The following CTIF variants were observed in gnomAD, a reference collection of about 807,000 sequenced individuals.
CTIF encodes the protein CBP80/20-dependent translation initiation factor.
CTIF carries 21 observed loss-of-function variants against 66.0 expected under a neutral mutation model. The observed-to-expected ratio is 0.32, with a 90% CI of 0.23 to 0.46. The LOEUF (loss-of-function observed/expected upper bound fraction) is 0.46, where lower values mean the gene tolerates loss of function less well. CTIF is among the 20% of genes least tolerant of loss of function. The pLI, the probability that CTIF is intolerant of heterozygous loss-of-function variation, is 1.00. For synonymous variants in CTIF, 345 were observed against 326.4 expected, an observed-to-expected ratio of 1.06 and a Z score of -0.62; for missense variants, 739 against 812.7, an observed-to-expected ratio of 0.91 and a Z score of 1.10.
chr18:48,657,720 A>G (rs1358636867), intron 3 of CTIF, among the ~76,000 whole-genome samples: 1 of 152,168 alleles, frequency 6.6e-6, no homozygotes, highest in African/African-American at 2.4e-5. Context: ...AGATCCTAGC[A>G]GGAAGGAAGA....
chr18:48,627,719 AAAAC>A (rs533632086), intron 2 of CTIF, among the ~76,000 whole-genome samples: 6 of 150,862 alleles, frequency 4.0e-5, no homozygotes, highest in South Asian at 4.3e-4. Context: ...ACCCTGTCTC[AAAAC>A]AAACAAACAA....
At chr18:48,586,015 C>T (rs547136070) in intron 1 of CTIF, among the ~76,000 whole-genome samples, 133 of 152,178 alleles carry the variant, frequency 8.7e-4, no homozygotes, top group African/African-American at 3.0e-3. Context: ...GATGCTGATT[C>T]CAAGAGCTAA....
intron 5 of CTIF, among the ~76,000 whole-genome samples, chr18:48,670,198 A>G (rs1286294953): frequency 6.6e-6 from 1 of 152,142 alleles, no homozygotes; most frequent in African/African-American, 2.4e-5. Context: ...ACATGAAGAC[A>G]AAGCATAGAC....
chr18:48,818,888 C>CA (rs2068425137), intron 10 of CTIF, among the ~76,000 whole-genome samples: 1 of 152,068 alleles, frequency 6.6e-6, no homozygotes, highest in Admixed American at 6.5e-5. Context: ...GGAGTGTGGA[C>CA]ACGTCTTTCG....
intron 3 of CTIF, among the ~76,000 whole-genome samples, chr18:48,654,113 A>G (rs11664637): frequency 0.59 from 90,483 of 152,092 alleles, 29,337 homozygotes; most frequent in East Asian, 0.85. Context: ...AACAAAAGCT[A>G]AAATAGACAA....
chr18:48,663,293 A>C (rs1231999332), intron 3 of CTIF, among the ~76,000 whole-genome samples: 1 of 152,134 alleles, frequency 6.6e-6, no homozygotes, highest in Non-Finnish European at 1.5e-5. Flanking sequence ...ACTCAGAGAA[A>C]TCCAGTTGCT....
At chr18:48,818,713 C>T (rs1049017694) in intron 10 of CTIF, among the ~76,000 whole-genome samples, 13 of 152,054 alleles carry the variant, frequency 8.5e-5, no homozygotes, top group South Asian at 2.1e-4. Context: ...GGGACCTGGA[C>T]GCCTCCCCCA....
chr18:48,616,412 A>G (rs1040474845), intron 1 of CTIF, among the ~76,000 whole-genome samples: 1 of 152,190 alleles, frequency 6.6e-6, no homozygotes, highest in African/African-American at 2.4e-5. Flanking sequence ...TGAAGAATTC[A>G]CTGCTCACTG....
chr18:48,857,663 T>C, intron 11 of CTIF, 22 bp downstream of exon 11: 1 of 1,593,886 alleles, frequency 6.3e-7, no homozygotes, highest in Non-Finnish European at 8.5e-7. Flanking sequence ...GGCTTCGACA[T>C]CCCCAACCTC....
At chr18:48,666,539 C>T (rs1284595932) in intron 5 of CTIF, among the ~76,000 whole-genome samples, 1 of 152,246 alleles carries the variant, frequency 6.6e-6, no homozygotes, top group Non-Finnish European at 1.5e-5. Context: ...TGTATGTGTG[C>T]ATGCACACGT....
At chr18:48,719,545 CT>C (rs1329438913) in intron 7 of CTIF, among the ~76,000 whole-genome samples, 1 of 152,216 alleles carries the variant, frequency 6.6e-6, no homozygotes, top group Non-Finnish European at 1.5e-5. Flanking sequence ...CATTCGCCTA[CT>C]TGTAAAACTT....
chr18:48,776,089 G>C (rs1392637394), intron 9 of CTIF, among the ~76,000 whole-genome samples: 1 of 152,218 alleles, frequency 6.6e-6, no homozygotes, highest in Non-Finnish European at 1.5e-5. Context: ...CTGAATCTGC[G>C]ACCCTGGCCA....
At chr18:48,605,768 A>G (rs2090189884) in intron 1 of CTIF, among the ~76,000 whole-genome samples, 2 of 138,482 alleles carry the variant, frequency 1.4e-5, no homozygotes, top group Non-Finnish European at 3.2e-5. Flanking sequence ...TCTCGGAGGG[A>G]GCCCACAGTC....
At chr18:48,749,451 G>A (rs1466318628) in intron 7 of CTIF, among the ~76,000 whole-genome samples, 4 of 152,156 alleles carry the variant, frequency 2.6e-5, no homozygotes, top group African/African-American at 4.8e-5. Flanking sequence ...AATCAGAACA[G>A]AAGCCAGGCA....
chr18:48,643,412 C>G (rs150366181), intron 3 of CTIF, among the ~76,000 whole-genome samples: 1 of 152,192 alleles, frequency 6.6e-6, no homozygotes, highest in South Asian at 2.1e-4. Flanking sequence ...TGGGGAAACA[C>G]AGCAAGGCCT....
chr18:48,675,203 C>T (rs558125104), intron 6 of CTIF, among the ~76,000 whole-genome samples: 1 of 152,158 alleles, frequency 6.6e-6, no homozygotes, highest in Non-Finnish European at 1.5e-5. Context: ...TTCTAGGGGA[C>T]CCCCAAATTC....
Position 48,761,612 on chromosome 18 carries a change from G to T in CTIF, c.1294G>T (p.Ala432Ser). ...VSDRSFAFTAAKLCDKMALFM... is the reference protein window; with the variant it reads ...VSDRSFAFTASKLCDKMALFM... ...CGACCGCAGCTTCGCCTTCACCGCTGCCAAGCTCTGCGACAAGATGGCGCT... is the reference window on the plus strand; with the variant it reads ...CGACCGCAGCTTCGCCTTCACCGCTTCCAAGCTCTGCGACAAGATGGCGCT... The change falls in exon 9 of 12, where the codon GCC becomes TCC. Residue 432 changes from alanine (A) to serine (S), a missense_variant. Ala to Ser is a moderately conservative substitution (Grantham distance 99). This residue lies in a region of CTIF where 210 missense variants were observed against 292.3 expected (regional missense o/e 0.72). Transcript: ENST00000256413. The surrounding 1 kb of genome is among the most constrained non-coding windows in gnomAD (Gnocchi z 4.2). The T allele has an allele frequency of 6.2e-7, 1 of 1,614,192 alleles. No individual in the cohort carries two copies. Among genetic ancestry groups the T allele is most frequent in the African/African-American group, 1.3e-5 (1 of 75,068 alleles).
intron 7 of CTIF, among the ~76,000 whole-genome samples, chr18:48,730,567 CTG>C (rs2092441513): frequency 5.3e-5 from 2 of 37,780 alleles, no homozygotes; most frequent in Non-Finnish European, 1.2e-4. Flanking sequence ...TGAGGGGCTT[CTG>C]CGGTGTGAGG....
At chr18:48,730,911 C>T (rs1041451391) in intron 7 of CTIF, among the ~76,000 whole-genome samples, 2 of 152,170 alleles carry the variant, frequency 1.3e-5, no homozygotes, top group East Asian at 1.9e-4. Flanking sequence ...TGCTCTAGGA[C>T]GTTTTCATCA....
Sources: allele counts gnomAD v4.1 joint callset (sites outside exome capture counted in the v4.1 genomes callset), GRCh38; gene constraint gnomAD v4.1.1; regional missense constraint gnomAD v4.1.1; non-coding constraint Gnocchi (gnomAD v3.1); transcripts MANE v1.5; gene names NCBI Gene and HGNC (gene_info 2026-07-23, HGNC 2026-07-21).